Variants in AQP8 observed in about 807,000 individuals in gnomAD.
AQP8 encodes the protein aquaporin-8.
In AQP8, 14 loss-of-function variants were observed where a neutral mutation model predicts 26.1. That is an observed-to-expected ratio of 0.54 (90% CI 0.35 to 0.84). The LOEUF (loss-of-function observed/expected upper bound fraction) is 0.84. AQP8 is among the 40% of genes least tolerant of loss of function. The probability of loss-of-function intolerance (pLI) is 0.01; values close to 1 mark genes in which losing one functional copy is unlikely to be tolerated. For synonymous variants in AQP8, 131 were observed against 150.7 expected (o/e 0.87, Z 0.96); for missense variants, 301 against 340.5 (o/e 0.88, Z 0.91).
intron 4 of AQP8, 152 bp from the exon 5 acceptor site, chr16:25,226,916 G>A (rs1962642404): frequency 8.5e-7 from 1 of 1,174,960 alleles, no homozygotes; most frequent in Non-Finnish European, 1.2e-6. Flanking sequence ...TAGCCCCTCT[G>A]CCTTCTTTAG....
At chr16:25,225,750 G>A (rs1163000898) in intron 4 of AQP8, among the ~76,000 whole-genome samples, 2 of 149,482 alleles carry the variant, frequency 1.3e-5, no homozygotes, top group African/African-American at 5.1e-5. Flanking sequence ...ACAGGGTGGG[G>A]ATGAGGTCTA....
intron 2 of AQP8, among the ~76,000 whole-genome samples, chr16:25,219,950 G>A (rs980626456): frequency 6.6e-6 from 1 of 151,978 alleles, no homozygotes; most frequent in Admixed American, 6.6e-5. Context: ...CAGAAGAATC[G>A]CTTGAAACCA....
At chr16:25,222,652 G>C (rs139225909) in intron 3 of AQP8, among the ~76,000 whole-genome samples, 1 of 151,746 alleles carries the variant, frequency 6.6e-6, no homozygotes, top group Non-Finnish European at 1.5e-5. Flanking sequence ...AGCCCTTCAA[G>C]ATGTGGGCCT....
chr16:25,223,423 C>T (rs1055501165), intron 3 of AQP8, among the ~76,000 whole-genome samples: 14 of 152,336 alleles, frequency 9.2e-5, no homozygotes, highest in African/African-American at 3.1e-4. Flanking sequence ...TTTTTAGCCA[C>T]GCATGGCGGC....
chr16:25,219,405 T>C (rs1962528458), intron 2 of AQP8, among the ~76,000 whole-genome samples: 3 of 151,486 alleles, frequency 2.0e-5, no homozygotes, highest in Admixed American at 2.0e-4. Flanking sequence ...AAGCTATGTA[T>C]GTAAGTTATA....
rs950658042 is a variant in AQP8, at chr16:25,227,054, C to T, written c.603-14C>T. 1.2e-6 allele frequency: 2 copies of T among 1,613,736 alleles called. No homozygotes were observed. ...GCTGGGATCCTGGTGACCTTGGTGC[C>T]TGGGTGTTTGCAGGGGCCCTGTGTC... On this transcript the variant is annotated splice_polypyrimidine_tract_variant and intron_variant, in intron 4 of 5. Transcript: ENST00000219660.
chr16:25,220,054 A>G (rs1400881111), intron 2 of AQP8, among the ~76,000 whole-genome samples: 1 of 151,250 alleles, frequency 6.6e-6, no homozygotes, highest in African/African-American at 2.5e-5. Context: ...AACAAAAAAC[A>G]AAAAACAAAT....
chr16:25,222,213 G>T (rs1382813667), intron 3 of AQP8, among the ~76,000 whole-genome samples: 1 of 152,144 alleles, frequency 6.6e-6, no homozygotes. Context: ...CTACAGGTGT[G>T]TGTCACCACA....
intron 2 of AQP8, among the ~76,000 whole-genome samples, chr16:25,218,984 C>T (rs1330616387): frequency 6.6e-6 from 1 of 151,454 alleles, no homozygotes; most frequent in Non-Finnish European, 1.5e-5. Context: ...TCCCTTTGGA[C>T]GGATCTGAGA....
intron 3 of AQP8, among the ~76,000 whole-genome samples, chr16:25,223,830 C>CTTTT (rs112495757): frequency 6.9e-6 from 1 of 144,458 alleles, no homozygotes; most frequent in Non-Finnish European, 1.5e-5. Context: ...TTTTCTTTTT[C>CTTTT]TTTTTTTTTT....
rs369146150 is a variant in AQP8, at chr16:25,217,064, C to T, written c.12+7C>T. 7 of 1,613,784 alleles carry T rather than the reference C, an allele frequency of 4.3e-6. No individual in the cohort carries two copies. In the African/African-American group the frequency reaches 9.3e-5, roughly 22 times the overall value. ...GATCCTGATGTCTGGAGAGGTGAGC[C>T]CTCTGTCGGCATCTTCCTCTCCAGG... is the stretch of plus-strand genomic sequence containing the variant. On this transcript the variant is annotated splice_region_variant and intron_variant, in intron 1 of 5. Coordinates refer to ENST00000219660, the MANE Select transcript of AQP8 (RefSeq NM_001169.3).
In AQP8 at chr16:25,228,533, G is replaced by T; in HGVS notation, c.*41G>T. Reference sequence around the variant, plus strand: ...ATTCCTGCTGCTCCAGGTGTCCTCAGCTCACCTGTCCCAGACTGAGGACAG... The same window carrying T: ...ATTCCTGCTGCTCCAGGTGTCCTCATCTCACCTGTCCCAGACTGAGGACAG... On this transcript the variant is annotated 3_prime_UTR_variant, in exon 6 of 6. Coordinates refer to ENST00000219660, the MANE Select transcript of AQP8 (RefSeq NM_001169.3). The T allele has an allele frequency of 6.2e-7, 1 of 1,608,910 alleles. No individual in the cohort carries two copies. The highest frequency in any genetic ancestry group is 8.5e-7 in the Non-Finnish European group (1 of 1,175,476).
intron 3 of AQP8, among the ~76,000 whole-genome samples, chr16:25,222,676 T>TGG (rs1298440339): frequency 1.3e-5 from 2 of 149,542 alleles, no homozygotes; most frequent in East Asian, 4.0e-4. Flanking sequence ...TTGGTGTGTG[T>TGG]GTGGGGGGTG....
intron 2 of AQP8, among the ~76,000 whole-genome samples, chr16:25,218,257 A>G (rs77017645): frequency 0.035 from 5,298 of 152,352 alleles, 112 homozygotes; most frequent in African/African-American, 0.05. Flanking sequence ...GCAGAAATGC[A>G]TAGAAGACCT....
chr16:25,217,095 A>C lies in AQP8; in HGVS notation c.12+38A>C, dbSNP rs1040458301. The C allele has an allele frequency of 3.7e-6, 6 of 1,613,896 alleles. No homozygotes were observed. The East Asian group carries it at 6.7e-5, about 18-fold the overall frequency. ...TCGGCATCTTCCTCTCCAGGCTGGC[A>C]GAGCAAGGGGGGCTGTGAATTAATT... is the stretch of plus-strand genomic sequence containing the variant. On this transcript the variant is annotated intron_variant, in intron 1 of 5. Transcript: ENST00000219660.
chr16:25,219,035 G>A (rs1438023645), intron 2 of AQP8, among the ~76,000 whole-genome samples: 1 of 151,582 alleles, frequency 6.6e-6, no homozygotes, highest in Non-Finnish European at 1.5e-5. Flanking sequence ...GGTGACCACA[G>A]CAAGTTGCTG....
chr16:25,222,407 G>A (rs1962575214), intron 3 of AQP8, among the ~76,000 whole-genome samples: 1 of 151,248 alleles, frequency 6.6e-6, no homozygotes, highest in African/African-American at 2.4e-5. Context: ...GGCTCTCGCT[G>A]TGTTGACCAC....
At chr16:25,225,172 A>G (rs1174911800) in intron 4 of AQP8, among the ~76,000 whole-genome samples, 2 of 152,186 alleles carry the variant, frequency 1.3e-5, no homozygotes, top group African/African-American at 4.8e-5. Flanking sequence ...TTGTAGAGAT[A>G]GGGGTCACGC....
chr16:25,217,248 C>T lies in AQP8; in HGVS notation c.63C>T (p.Ser21=), dbSNP rs142212512. The T allele has an allele frequency of 2.0e-4, 315 of 1,614,184 alleles. No homozygotes were observed. The highest frequency in any genetic ancestry group is 3.5e-4 in the Admixed American group (21 of 60,014). ...GCAATGACAAGGCCAGGGAGCCGAG[C>T]GTGGGTGGCAGGTGGCGAGTGTCCT... ...EFGNDKAREP[S]VGGRWRVSWY... Residue 21 remains serine, a synonymous_variant, in exon 2 of 6, where the codon AGC becomes AGT. Transcript: ENST00000219660.
Sources: allele counts gnomAD v4.1 joint callset (sites outside exome capture counted in the v4.1 genomes callset), GRCh38; gene constraint gnomAD v4.1.1; transcripts MANE v1.5; gene names NCBI Gene and HGNC (gene_info 2026-07-23, HGNC 2026-07-21).